RTL9: variants seen among roughly 807,000 people sequenced by gnomAD.
RTL9 encodes retrotransposon Gag-like protein 9.
A neutral mutation model predicts 44.7 loss-of-function variants in RTL9; 19 were observed. The observed-to-expected ratio is 0.42, with a 90% confidence interval of 0.30 to 0.62. The LOEUF (loss-of-function observed/expected upper bound fraction) is 0.62. Ranked by LOEUF, RTL9 falls within the 20% of genes least tolerant of loss-of-function variation. The probability of loss-of-function intolerance (pLI) is 0.16; values close to 1 mark genes in which losing one functional copy is unlikely to be tolerated. For synonymous variants in RTL9, 407 were observed against 398.9 expected, an observed-to-expected ratio of 1.02 and a Z score of -0.24; for missense variants, 1,105 against 1,080.6, an observed-to-expected ratio of 1.02 and a Z score of -0.32.
At chrX:110,396,580 G>A (rs1422914174) in intron 1 of RTL9, among the ~76,000 whole-genome samples, 2 of 111,960 alleles carry the variant, frequency 1.8e-5, no homozygotes, top group African/African-American at 6.5e-5. Context: ...CTCAGAGCTG[G>A]AATTACAGTT....
upstream of RTL9, among the ~76,000 whole-genome samples, chrX:110,449,532 C>A (rs2068927472): frequency 8.9e-6 from 1 of 112,691 alleles, no homozygotes; most frequent in African/African-American, 3.2e-5. Context: ...TGTCCAAAAG[C>A]CCCTTCTGGG....
chrX:110,447,763 A>G (rs1333646177), upstream of RTL9, among the ~76,000 whole-genome samples: 2 of 110,586 alleles, frequency 1.8e-5, no homozygotes, highest in African/African-American at 6.6e-5. Context: ...TATGAGGTTT[A>G]TAACGACCTG....
intron 1 of RTL9, among the ~76,000 whole-genome samples, chrX:110,389,480 G>A (rs929051107): frequency 4.9e-4 from 55 of 112,245 alleles, no homozygotes; most frequent in African/African-American, 1.7e-3. Context: ...AAAAAGATGG[G>A]TATGATTGAA....
intron 1 of RTL9, among the ~76,000 whole-genome samples, chrX:110,392,061 C>T (rs755793204): frequency 8.9e-6 from 1 of 111,966 alleles, no homozygotes; most frequent in Non-Finnish European, 1.9e-5. Context: ...TCATGAATCA[C>T]GGATGAGTTT....
At chrX:110,446,323 A>G (rs1056031372), upstream of RTL9, among the ~76,000 whole-genome samples, 1 of 111,327 alleles carries the variant, frequency 9.0e-6, no homozygotes, top group African/African-American at 3.3e-5. Context: ...TTAGAGAAAG[A>G]AGAAATTATT....
At chrX:110,448,523 G>C (rs2068920833), upstream of RTL9, among the ~76,000 whole-genome samples, 1 of 109,138 alleles carries the variant, frequency 9.2e-6, no homozygotes, top group African/African-American at 3.3e-5. Context: ...AGGGAAGAGG[G>C]GTGGAGTTGC....
chrX:110,369,435 G>C (rs922993605), intron 1 of RTL9, among the ~76,000 whole-genome samples: 1 of 112,108 alleles, frequency 8.9e-6, no homozygotes, highest in African/African-American at 3.2e-5. Context: ...ACGATACAAA[G>C]TGCCAAATGT....
At chrX:110,414,279 G>A (rs994168619), upstream of RTL9, among the ~76,000 whole-genome samples, 1 of 112,346 alleles carries the variant, frequency 8.9e-6, no homozygotes, top group East Asian at 2.8e-4. Flanking sequence ...ATCCTTCTAA[G>A]TAACTGTCCT....
intron 1 of RTL9, among the ~76,000 whole-genome samples, chrX:110,362,992 G>GA (rs1485119133): frequency 8.9e-6 from 1 of 112,147 alleles, no homozygotes; most frequent in Admixed American, 9.5e-5. Flanking sequence ...ACAACCAGCA[G>GA]AAAAGGAAGC....
chrX:110,377,316 A>G (rs2068383677), intron 1 of RTL9, among the ~76,000 whole-genome samples: 1 of 111,616 alleles, frequency 9.0e-6, no homozygotes, highest in Non-Finnish European at 1.9e-5. Flanking sequence ...AAACCCCACC[A>G]TCCCACCTCT....
exon 1 of RTL9, chrX:110,451,560 C>A: frequency 8.3e-7 from 1 of 1,211,687 alleles, no homozygotes; most frequent in Non-Finnish European, 1.1e-6. Flanking sequence ...AATGTCATCT[C>A]CAGGCTCTGA....
At chrX:110,449,654 T>C (rs1428517873), upstream of RTL9, among the ~76,000 whole-genome samples, 1 of 112,442 alleles carries the variant, frequency 8.9e-6, no homozygotes, top group African/African-American at 3.2e-5. Flanking sequence ...TGACCCATGA[T>C]CTGGGATGTC....
At chrX:110,408,874 A>T (rs768654069) in intron 1 of RTL9, among the ~76,000 whole-genome samples, 3 of 112,443 alleles carry the variant, frequency 2.7e-5, no homozygotes, top group Non-Finnish European at 5.6e-5. Flanking sequence ...ATGTGGCAGG[A>T]CATATAGCTA....
chrX:110,396,937 C>A (rs1324600332), intron 1 of RTL9, among the ~76,000 whole-genome samples: 1 of 111,940 alleles, frequency 8.9e-6, no homozygotes, highest in Non-Finnish European at 1.9e-5. Flanking sequence ...TGGATTGCAA[C>A]AATCACCTAC....
intron 1 of RTL9, among the ~76,000 whole-genome samples, chrX:110,395,384 C>T (rs1024060424): frequency 1.8e-5 from 2 of 112,127 alleles, no homozygotes; most frequent in African/African-American, 6.5e-5. Context: ...TTCCTCTCCT[C>T]TCCCTGAACA....
chrX:110,444,808 A>C (rs988507881), intron 1 of RTL9, among the ~76,000 whole-genome samples: 2 of 112,341 alleles, frequency 1.8e-5, no homozygotes, highest in African/African-American at 3.2e-5. Context: ...CGCAATCTGC[A>C]GCAGAATCTC....
At chrX:110,385,230 A>C (rs2068447089) in intron 1 of RTL9, among the ~76,000 whole-genome samples, 1 of 111,582 alleles carries the variant, frequency 9.0e-6, no homozygotes, top group African/African-American at 3.3e-5. Context: ...CCTACCTCTT[A>C]GGGTTTTGTG....
intron 1 of RTL9, among the ~76,000 whole-genome samples, chrX:110,435,783 A>G (rs1369296850): frequency 2.7e-5 from 3 of 112,451 alleles, no homozygotes; most frequent in Non-Finnish European, 5.6e-5. Context: ...CACAAATATT[A>G]TAAACCCTGT....
chrX:110,399,755 CTA>C (rs1239913441), intron 1 of RTL9, among the ~76,000 whole-genome samples: 8 of 111,849 alleles, frequency 7.2e-5, no homozygotes, highest in African/African-American at 2.6e-4. Flanking sequence ...TAGCATAAGA[CTA>C]TAGTGTGGGA....
Sources: allele counts gnomAD v4.1 joint callset (sites outside exome capture counted in the v4.1 genomes callset), GRCh38; gene constraint gnomAD v4.1.1; transcripts MANE v1.5; gene names NCBI Gene and HGNC (gene_info 2026-07-23, HGNC 2026-07-21).